DOCK4: variants seen among roughly 807,000 people sequenced by gnomAD.
The protein encoded by DOCK4 is dedicator of cytokinesis protein 4.
A neutral mutation model predicts 268.1 loss-of-function variants in DOCK4; 97 were observed. The observed-to-expected ratio is 0.36, with a 90% confidence interval of 0.31 to 0.43. The LOEUF (loss-of-function observed/expected upper bound fraction) is 0.43, where lower values mean the gene tolerates loss of function less well. Ranked by LOEUF, DOCK4 falls within the 20% of genes least tolerant of loss-of-function variation. The pLI, the probability that DOCK4 is intolerant of heterozygous loss-of-function variation, is 1.00. For synonymous variants in DOCK4, 954 were observed against 887.2 expected, an observed-to-expected ratio of 1.08 and a Z score of -1.34; for missense variants, 2,145 against 2,455.7, an observed-to-expected ratio of 0.87 and a Z score of 2.67.
At chr7:111,998,084 C>A (rs1432675674) in intron 4 of DOCK4, among the ~76,000 whole-genome samples, 1 of 152,116 alleles carries the variant, frequency 6.6e-6, no homozygotes, top group African/African-American at 2.4e-5. Context: ...CAGTGGTGAA[C>A]CTAGGAAATT....
At chr7:112,087,643 G>C (rs1372248774) in intron 1 of DOCK4, among the ~76,000 whole-genome samples, 1 of 151,994 alleles carries the variant, frequency 6.6e-6, no homozygotes, top group East Asian at 1.9e-4. Context: ...AAAAGATATC[G>C]TTATCTAAAA....
chr7:111,823,925 T>G (rs560937680), intron 26 of DOCK4, among the ~76,000 whole-genome samples: 47 of 152,290 alleles, frequency 3.1e-4, no homozygotes, highest in African/African-American at 1.1e-3. Context: ...TGTGGTAGCT[T>G]TATTTTCTTT....
At chr7:111,769,135 T>C (rs1797952903) in intron 37 of DOCK4, among the ~76,000 whole-genome samples, 1 of 152,196 alleles carries the variant, frequency 6.6e-6, no homozygotes, top group Admixed American at 6.5e-5. Context: ...CTGTTGTTTA[T>C]AAGCTACCCA....
At chr7:111,838,469 AG>A (rs1191503908) in intron 25 of DOCK4, among the ~76,000 whole-genome samples, 2 of 152,212 alleles carry the variant, frequency 1.3e-5, no homozygotes, top group East Asian at 3.8e-4. Flanking sequence ...AATACTATTC[AG>A]CAATAAGAAG....
At chr7:111,908,182 C>G (rs1044354938) in intron 13 of DOCK4, among the ~76,000 whole-genome samples, 11 of 152,128 alleles carry the variant, frequency 7.2e-5, no homozygotes, top group African/African-American at 2.7e-4. Flanking sequence ...GGTGTGGTGG[C>G]TCACACCTGT....
In DOCK4 at chr7:111,811,886, G is replaced by A; in HGVS notation, c.2994C>T (p.Asn998=). 6.6e-7 allele frequency: 1 copy of A among 1,515,626 alleles called. No homozygotes were observed. Among genetic ancestry groups the A allele is most frequent in the Non-Finnish European group, 9.0e-7 (1 of 1,116,352 alleles). The allele number at this position is 1,515,626 out of a possible 1,614,324, so 93.9% of individuals were successfully genotyped here. Residue 998 remains asparagine (N), a synonymous_variant, in exon 28 of 53, where the codon AAC becomes AAT. Transcript: ENST00000428084. ...DALRKNFLNE[N]FDYKIWDSYF... ...AATGAATGCTTACCTTATAATCAAA[G>A]TTTTCATTTAAGAAGTTCTTACGAA...
intron 1 of DOCK4, among the ~76,000 whole-genome samples, chr7:112,029,093 A>C (rs1803054477): frequency 6.6e-6 from 1 of 152,136 alleles, no homozygotes; most frequent in East Asian, 1.9e-4. Flanking sequence ...AAAATCCATC[A>C]CTTAGTTGGT....
At chr7:111,740,343 C>T (rs77050593) in intron 47 of DOCK4, 9,612 of 198,496 alleles carry the variant, frequency 0.048, 739 homozygotes, top group East Asian at 0.41. Context: ...CAAGGTGATT[C>T]GCTCACCTCG....
intron 12 of DOCK4, among the ~76,000 whole-genome samples, chr7:111,926,893 G>GGAAA (rs1477302132): frequency 6.8e-6 from 1 of 147,252 alleles, no homozygotes; most frequent in African/African-American, 2.5e-5. Flanking sequence ...AAGGAAGGAA[G>GGAAA]GAAAGAAGGA....
At chr7:111,870,013 C>T (rs1452596790) in intron 20 of DOCK4, among the ~76,000 whole-genome samples, 2 of 152,164 alleles carry the variant, frequency 1.3e-5, no homozygotes, top group African/African-American at 4.8e-5. Flanking sequence ...GGATTTCTTT[C>T]CCAGTGACCA....
At position 111,905,676 on chromosome 7, in the gene DOCK4, T is replaced by G. The variant is rs192231000; in HGVS notation, c.1193-3875A>C. 7.8e-3 allele frequency among the ~76,000 whole-genome samples: 1,080 copies of G among 138,250 alleles called. 12 individuals carry two copies. Among genetic ancestry groups the G allele is most frequent in the African/African-American group, 0.031 (1,013 of 32,352 alleles). The allele number at this position is 138,250 out of a possible 152,430, so 90.7% of individuals were successfully genotyped here. A position where few individuals can be genotyped will look rare whatever the true frequency, so the allele number is the denominator to read the frequency against. ...CGGCTTTATCTATTTTTTATATATA[T>G]GCATGTATGTGTGTGTGTGTGTGTG... On this transcript the variant is annotated intron_variant, in intron 13 of 52. Transcript: ENST00000428084.
chr7:111,848,022 A>T (rs1471967809), intron 23 of DOCK4, among the ~76,000 whole-genome samples: 2 of 152,186 alleles, frequency 1.3e-5, no homozygotes, highest in African/African-American at 4.8e-5. Flanking sequence ...GTAATTCAAA[A>T]TTTCATGATT....
intron 1 of DOCK4, among the ~76,000 whole-genome samples, chr7:112,011,971 C>T (rs1489620533): frequency 1.3e-5 from 2 of 151,302 alleles, no homozygotes; most frequent in Admixed American, 1.3e-4. Context: ...GGATTTAGCT[C>T]CACCAATTAT....
chr7:111,842,532 G>A (rs1308450300), intron 25 of DOCK4, among the ~76,000 whole-genome samples: 2 of 152,188 alleles, frequency 1.3e-5, no homozygotes, highest in African/African-American at 4.8e-5. Flanking sequence ...TGAGGATGTA[G>A]TGAGGTGTCC....
At chr7:111,848,824 G>T (rs937437084) in intron 23 of DOCK4, among the ~76,000 whole-genome samples, 1 of 152,084 alleles carries the variant, frequency 6.6e-6, no homozygotes, top group Non-Finnish European at 1.5e-5. Flanking sequence ...AGTATCAAAG[G>T]CTCCTCTCCC....
In DOCK4 at chr7:111,760,184, G is replaced by A; in HGVS notation, c.4159C>T (p.Gln1387Ter). The change falls in exon 40 of 53, where the codon CAG becomes TAG. Residue 1387 changes from glutamine (Q) to a stop codon, truncating the protein, a stop_gained. Coordinates refer to ENST00000428084, the MANE Select transcript of DOCK4 (RefSeq NM_001363540.2). LOFTEE classifies it high-confidence loss of function. ...CAGCCCTTGTAGGTGCGGATACACTGAGCTTCTGCCTGGAAGATGGTCTCA... is the reference window on the plus strand; with the variant it reads ...CAGCCCTTGTAGGTGCGGATACACTAAGCTTCTGCCTGGAAGATGGTCTCA... Reference protein sequence around the residue: ...PDETIFQAEAQYLQIYAVTPI... With the variant: ...PDETIFQAEA 1.2e-6 allele frequency: 2 copies of A among 1,613,924 alleles called. No homozygotes were observed. Among genetic ancestry groups the A allele is most frequent in the Non-Finnish European group, 1.7e-6 (2 of 1,179,860 alleles).
chr7:112,083,856 T>C (rs1376956862), intron 1 of DOCK4, among the ~76,000 whole-genome samples: 4 of 152,166 alleles, frequency 2.6e-5, no homozygotes, highest in African/African-American at 4.8e-5. Context: ...TAATCACTTT[T>C]CCCTAACCAC....
rs187223973 is a variant in DOCK4 at position 111,755,470 on chromosome 7, A to G, written c.4416+45T>C. ...GAATATACGGCACAACTCCAAGTGA[A>G]CAACTGTGATGAGAAAGTGCTTGAG... On this transcript the variant is annotated intron_variant, in intron 42 of 52. Coordinates refer to ENST00000428084, the MANE Select transcript of DOCK4 (RefSeq NM_001363540.2). 3.8e-3 allele frequency: 5,927 copies of G among 1,579,224 alleles called. 19 individuals are homozygous for G. The highest frequency in any genetic ancestry group is 4.5e-3 in the Non-Finnish European group (5,209 of 1,148,674).
intron 8 of DOCK4, among the ~76,000 whole-genome samples, chr7:111,954,626 AC>A (rs1231920486): frequency 6.6e-6 from 1 of 151,978 alleles, no homozygotes; most frequent in African/African-American, 2.4e-5. Flanking sequence ...GAAGACACAT[AC>A]CCCCTGAAGA....
Sources: allele counts gnomAD v4.1 joint callset (sites outside exome capture counted in the v4.1 genomes callset), GRCh38; gene constraint gnomAD v4.1.1; transcripts MANE v1.5; gene names NCBI Gene and HGNC (gene_info 2026-07-23, HGNC 2026-07-21).